The following MYO1H variants were observed in gnomAD, a reference collection of about 807,000 sequenced individuals.
MYO1H encodes unconventional myosin-Ih.
Under a neutral mutation model 149.3 loss-of-function variants are expected in MYO1H, and 118 were observed. That is an observed-to-expected ratio of 0.79 (90% CI 0.68 to 0.92). MYO1H has a LOEUF of 0.92. MYO1H is among the 40% of genes least tolerant of loss of function. The pLI, the probability that MYO1H is intolerant of heterozygous loss-of-function variation, is 0.00. For synonymous variants in MYO1H, 447 were observed against 465.2 expected (o/e 0.96, Z 0.50); for missense variants, 1,212 against 1,280.7 (o/e 0.95, Z 0.82).
chr12:109,414,719 A>AT (rs1190398332), intron 14 of MYO1H, among the ~76,000 whole-genome samples: 1 of 151,618 alleles, frequency 6.6e-6, no homozygotes, highest in Non-Finnish European at 1.5e-5. Context: ...TTATTTTTTT[A>AT]TTTTTTGAGA....
intron 19 of MYO1H, among the ~76,000 whole-genome samples, chr12:109,428,220 G>A (rs1034003727): frequency 6.6e-6 from 1 of 151,944 alleles, no homozygotes; most frequent in African/African-American, 2.4e-5. Flanking sequence ...GGGGGCAGCC[G>A]TGGGCAGTGC....
intron 26 of MYO1H, among the ~76,000 whole-genome samples, chr12:109,441,914 G>C (rs1012599960): frequency 6.6e-6 from 1 of 152,128 alleles, no homozygotes; most frequent in East Asian, 1.9e-4. Context: ...GGGCGTGGTG[G>C]TGTCCACCTG....
chr12:109,317,516 C>G, the MYO1H span, among the ~76,000 whole-genome samples: 1 of 152,188 alleles, frequency 6.6e-6, no homozygotes, highest in African/African-American at 2.4e-5. Flanking sequence ...TACACTTCCC[C>G]TGGCCTTTTT....
chr12:109,376,421 T>C (rs1296891352), intron 1 of MYO1H, among the ~76,000 whole-genome samples: 1 of 152,216 alleles, frequency 6.6e-6, no homozygotes, highest in Non-Finnish European at 1.5e-5. Flanking sequence ...CATGTATCAG[T>C]ACTCCTTTCT....
At chr12:109,427,336 A>AC in intron 18 of MYO1H, 133 bp from the exon 19 acceptor site, 1 of 533,382 alleles carries the variant, frequency 1.9e-6, no homozygotes, top group Non-Finnish European at 3.4e-6. Flanking sequence ...AAAAAAAAAA[A>AC]ATTAAGACCT....
At chr12:109,358,247 G>A (rs1020456641) in intron 1 of MYO1H, among the ~76,000 whole-genome samples, 10 of 151,912 alleles carry the variant, frequency 6.6e-5, no homozygotes, top group African/African-American at 2.4e-4. Context: ...AGTGACACAA[G>A]TCATTTTTTT....
At chr12:109,369,760 C>A (rs1397023991) in intron 1 of MYO1H, among the ~76,000 whole-genome samples, 1 of 152,214 alleles carries the variant, frequency 6.6e-6, no homozygotes, top group Non-Finnish European at 1.5e-5. Context: ...CTGTAATTCA[C>A]TTCTCCATGA....
chr12:109,397,827 C>T lies in MYO1H; in HGVS notation c.570+15C>T. ...TTGATTTTCAGGTACACTGAAGCTCCTATTACTGGTTCATGGGGACCCCTT... is the reference window on the plus strand; with the variant it reads ...TTGATTTTCAGGTACACTGAAGCTCTTATTACTGGTTCATGGGGACCCCTT... On this transcript the variant is annotated intron_variant, in intron 5 of 31. Coordinates refer to ENST00000310903, the Ensembl canonical transcript of MYO1H. 6.3e-7 allele frequency: 1 copy of T among 1,588,610 alleles called. No individual in the cohort carries two copies. Among genetic ancestry groups the T allele is most frequent in the Non-Finnish European group, 8.6e-7 (1 of 1,165,200 alleles).
chr12:109,434,818 T>C (rs1284244380), intron 20 of MYO1H, among the ~76,000 whole-genome samples: 1 of 152,202 alleles, frequency 6.6e-6, no homozygotes, highest in Admixed American at 6.5e-5. Flanking sequence ...CCTGTGTCTT[T>C]CTGTGTGTAT....
At chr12:109,447,262 A>G in exon 32 of MYO1H, 1 of 1,264,062 alleles carries the variant, frequency 7.9e-7, no homozygotes. Flanking sequence ...GATTGGATCC[A>G]GTTAGCTACC....
rs772995859 is a variant in MYO1H at position 109,415,541 on chromosome 12, T to C, written c.1518T>C (p.Gly506=). ...TGTCTCGTAGCCGTAAGCTGGCTGG[T>C]CCAAAGGGCCGAAAGAGGATTGGCT... Residue 506 remains glycine, a synonymous_variant, in exon 15 of 32, where the codon GGT becomes GGC. Transcript: ENST00000310903. 3 of 1,606,292 alleles carry C rather than the reference T, an allele frequency of 1.9e-6. No individual in the cohort carries two copies. The Admixed American group carries it at 5.1e-5, about 27-fold the overall frequency.
chr12:109,441,655 G>C (rs751091987), exon 26 of MYO1H: 2 of 1,613,310 alleles, frequency 1.2e-6, no homozygotes, highest in South Asian at 2.2e-5. Flanking sequence ...TTCAGGGGAA[G>C]GAAAGACGGC....
chr12:109,447,400 A>G lies in MYO1H; in HGVS notation c.*218A>G, dbSNP rs549217396. 323 of 609,366 alleles carry G rather than the reference A, an allele frequency of 5.3e-4. No homozygotes were observed. In the African/African-American group the frequency reaches 5.6e-3, roughly 10 times the overall value. 37.7% of individuals were successfully genotyped at this position (609,366 alleles called of 1,614,324 possible). ...CTTATTTAAAATGTCACCTTCTGGA[A>G]GCAGACCCCAGGTCACCCGAAGGCG... On this transcript the variant is annotated 3_prime_UTR_variant, in exon 32 of 32. Transcript: ENST00000310903.
At chr12:109,421,094 G>T in intron 16 of MYO1H, 67 bp downstream of exon 16, 1 of 1,145,330 alleles carries the variant, frequency 8.7e-7, no homozygotes, top group South Asian at 1.4e-5. Flanking sequence ...TAGTGATTTT[G>T]GTAGAATTCG....
chr12:109,377,494 G>A (rs1164090499), intron 1 of MYO1H, among the ~76,000 whole-genome samples: 2 of 152,116 alleles, frequency 1.3e-5, no homozygotes, highest in African/African-American at 4.8e-5. Flanking sequence ...GGATCCATGG[G>A]ATGGAGCCTA....
chr12:109,443,355 T>C (rs528650085), intron 27 of MYO1H, among the ~76,000 whole-genome samples, 159 bp from the exon 28 acceptor site: 1,275 of 74,796 alleles, frequency 0.017, 135 homozygotes, highest in East Asian at 0.055. Context: ...TGTGTGTATA[T>C]ACACACACAC....
intron 23 of MYO1H, 21 bp downstream of exon 23, chr12:109,438,641 G>A: frequency 6.4e-7 from 1 of 1,570,950 alleles, no homozygotes. Flanking sequence ...AGGTACAACA[G>A]AGAGGACAGG....
chr12:109,310,731 C>T, the MYO1H span, among the ~76,000 whole-genome samples: 4 of 152,106 alleles, frequency 2.6e-5, no homozygotes, highest in African/African-American at 9.7e-5. Flanking sequence ...TGGTCCATGT[C>T]CTCACAAATG....
chr12:109,322,559 G>A, the MYO1H span, among the ~76,000 whole-genome samples: 11 of 152,088 alleles, frequency 7.2e-5, no homozygotes, highest in South Asian at 2.1e-4. Flanking sequence ...GGTGGCTCAC[G>A]CCTGTAATCC....
Sources: allele counts gnomAD v4.1 joint callset (sites outside exome capture counted in the v4.1 genomes callset), GRCh38; gene constraint gnomAD v4.1.1; transcripts MANE v1.5; gene names NCBI Gene and HGNC (gene_info 2026-07-23, HGNC 2026-07-21).